SLC9A7: variants seen among roughly 807,000 people sequenced by gnomAD.
SLC9A7 encodes the protein sodium/hydrogen exchanger 7.
Under a neutral mutation model 52.6 loss-of-function variants are expected in SLC9A7, and 19 were observed. That is an observed-to-expected ratio of 0.36 (90% CI 0.25 to 0.53). SLC9A7 has a LOEUF of 0.53. Among genes scored for constraint, SLC9A7 ranks in the 20% least tolerant of loss-of-function variants. The pLI is 0.91. For synonymous variants in SLC9A7, 226 were observed against 252.1 expected (o/e 0.90, Z 0.98); for missense variants, 455 against 597.9 (o/e 0.76, Z 2.49).
intron 1 of SLC9A7, among the ~76,000 whole-genome samples, chrX:46,713,274 T>C (rs1602260622): frequency 9.3e-6 from 1 of 107,427 alleles, no homozygotes; most frequent in South Asian, 4.1e-4. Flanking sequence ...CTGAGGCGGG[T>C]GGATCATCTG....
intron 1 of SLC9A7, among the ~76,000 whole-genome samples, chrX:46,687,106 A>G (rs1205188275): frequency 7.1e-5 from 8 of 112,452 alleles, no homozygotes; most frequent in Non-Finnish European, 1.5e-4. Flanking sequence ...GTCTGGTGCC[A>G]GTTTTCCTTT....
At chrX:46,665,814 T>G (rs891458942) in intron 5 of SLC9A7, among the ~76,000 whole-genome samples, 1 of 109,096 alleles carries the variant, frequency 9.2e-6, no homozygotes, top group Non-Finnish European at 1.9e-5. Flanking sequence ...GCATGTGTTC[T>G]CTGGTGGCTG....
chrX:46,608,842 C>T (rs1458609793), intron 16 of SLC9A7, among the ~76,000 whole-genome samples: 5 of 110,689 alleles, frequency 4.5e-5, no homozygotes, highest in Non-Finnish European at 7.6e-5. Context: ...GATGGAATTT[C>T]ACCACGTTGG....
intron 1 of SLC9A7, among the ~76,000 whole-genome samples, chrX:46,746,230 G>A (rs1921760894): frequency 1.8e-5 from 2 of 110,838 alleles, no homozygotes; most frequent in Non-Finnish European, 3.8e-5. Flanking sequence ...TCGGGAGGCT[G>A]AGGCAGGAGA....
At position 46,600,340 on chromosome X, in the gene SLC9A7, C is replaced by T. The variant is rs1215570725; in HGVS notation, c.*6612G>A. On this transcript the variant is annotated 3_prime_UTR_variant, in exon 17 of 17. Transcript: ENST00000616978. ...ACATATACAGGCCCAGACAATTTTC[C>T]ACTGGCCAAGAGCTGACTGTGACAC... 8.9e-6 allele frequency: 1 copy of T among 111,911 alleles called. No individual in the cohort carries two copies. The highest frequency in any genetic ancestry group is 1.9e-5 in the Non-Finnish European group (1 of 53,189). 9.2% of individuals were successfully genotyped at this position (111,911 alleles called of 1,213,427 possible).
At chrX:46,657,666 C>T (rs773736796) in intron 7 of SLC9A7, among the ~76,000 whole-genome samples, 14 of 110,390 alleles carry the variant, frequency 1.3e-4, no homozygotes, top group Non-Finnish European at 2.5e-4. Flanking sequence ...TCAACAAGAA[C>T]AGCTAACTAT....
chrX:46,653,241 T>C (rs1414206417), intron 8 of SLC9A7, among the ~76,000 whole-genome samples: 1 of 110,323 alleles, frequency 9.1e-6, no homozygotes, highest in African/African-American at 3.3e-5. Context: ...CTACAAAGAA[T>C]AAAGAAGTTA....
chrX:46,716,382 T>G (rs1272211271), intron 1 of SLC9A7, among the ~76,000 whole-genome samples: 1 of 111,917 alleles, frequency 8.9e-6, no homozygotes, highest in Non-Finnish European at 1.9e-5. Flanking sequence ...GAATCCCTAT[T>G]GCCTGCCTTA....
intron 15 of SLC9A7, among the ~76,000 whole-genome samples, chrX:46,616,538 C>A (rs1016345019): frequency 2.7e-5 from 3 of 111,404 alleles, no homozygotes; most frequent in African/African-American, 9.8e-5. Context: ...AAGATCTTTT[C>A]TTTTTGACTT....
At chrX:46,694,079 A>ATTGTGT (rs1944416193) in intron 1 of SLC9A7, among the ~76,000 whole-genome samples, 1 of 110,766 alleles carries the variant, frequency 9.0e-6, no homozygotes, top group African/African-American at 3.3e-5. Flanking sequence ...TTGAAAAACT[A>ATTGTGT]CCTATTGTGT....
chrX:46,612,648 C>T (rs1942871195), intron 16 of SLC9A7, among the ~76,000 whole-genome samples: 1 of 110,900 alleles, frequency 9.0e-6, no homozygotes, highest in African/African-American at 3.3e-5. Flanking sequence ...GAGATGCAGG[C>T]CGGGCATGGT....
At chrX:46,748,415 GGACA>G (rs1329629941) in intron 1 of SLC9A7, among the ~76,000 whole-genome samples, 1 of 98,242 alleles carries the variant, frequency 1.0e-5, no homozygotes, top group East Asian at 3.1e-4. Context: ...AAGGAAGGAA[GGACA>G]GACAGAAGGA....
At chrX:46,678,539 C>T (rs1340532724) in intron 3 of SLC9A7, among the ~76,000 whole-genome samples, 3 of 108,120 alleles carry the variant, frequency 2.8e-5, no homozygotes, top group African/African-American at 1.0e-4. Flanking sequence ...TAGGCTCAAG[C>T]TCCCCACCTC....
chrX:46,659,489 A>C (rs1943771974), intron 7 of SLC9A7, among the ~76,000 whole-genome samples: 1 of 59,573 alleles, frequency 1.7e-5, no homozygotes, highest in Admixed American at 2.2e-4. Flanking sequence ...GTCTCAGCCC[A>C]AAATCTCCTT....
At chrX:46,749,948 G>A (rs180774577) in intron 1 of SLC9A7, among the ~76,000 whole-genome samples, 5 of 110,281 alleles carry the variant, frequency 4.5e-5, no homozygotes, top group Non-Finnish European at 7.6e-5. Flanking sequence ...AGGCGTGGTG[G>A]AGCATGCCTG....
At position 46,605,555 on chromosome X, in the gene SLC9A7, C is replaced by T. The variant is rs967453821; in HGVS notation, c.*1397G>A. On this transcript the variant is annotated 3_prime_UTR_variant, in exon 17 of 17. Transcript: ENST00000616978. ...AGAGCTTTCTAGTGGGCTGAAAATACTTAATGTTCCATTGTTTGCCCTCTG... is the reference window on the plus strand; with the variant it reads ...AGAGCTTTCTAGTGGGCTGAAAATATTTAATGTTCCATTGTTTGCCCTCTG... 2 of 112,067 alleles carry T rather than the reference C, an allele frequency of 1.8e-5. No individual in the cohort carries two copies. The highest frequency in any genetic ancestry group is 3.8e-5 in the Non-Finnish European group (2 of 53,279). 9.2% of individuals were successfully genotyped at this position (112,067 alleles called of 1,213,427 possible). A position where few individuals can be genotyped will look rare whatever the true frequency, so the allele number is the denominator to read the frequency against.
intron 1 of SLC9A7, among the ~76,000 whole-genome samples, chrX:46,740,121 C>T (rs1295847215): frequency 6.3e-5 from 7 of 111,786 alleles, no homozygotes; most frequent in African/African-American, 2.3e-4. Context: ...CAGACACACA[C>T]ACGAAGTCCA....
Position 46,606,190 on chromosome X carries a change from T to TA in SLC9A7, c.*761dup, listed in dbSNP as rs1942740985. 1 of 725,334 alleles carries TA rather than the reference T, an allele frequency of 1.4e-6. No homozygotes were observed. The highest frequency in any genetic ancestry group is 1.6e-6 in the Non-Finnish European group (1 of 614,442). 59.8% of individuals were successfully genotyped at this position (725,334 alleles called of 1,213,427 possible). A position where few individuals can be genotyped will look rare whatever the true frequency, so the allele number is the denominator to read the frequency against. ...AAAAGTTGAATGCTTTTTGCAGTGA[T>TA]ACCATCATCAGTTTCTAAATACCTC... On this transcript the variant is annotated 3_prime_UTR_variant, in exon 17 of 17. Coordinates refer to ENST00000616978, the MANE Select transcript of SLC9A7 (RefSeq NM_001257291.2).
intron 1 of SLC9A7, among the ~76,000 whole-genome samples, chrX:46,695,097 T>A: frequency 8.9e-6 from 1 of 112,536 alleles, no homozygotes; most frequent in Admixed American, 9.4e-5. Context: ...ATTGGGATGA[T>A]TAAGATATTC....
Sources: allele counts gnomAD v4.1 joint callset (sites outside exome capture counted in the v4.1 genomes callset), GRCh38; gene constraint gnomAD v4.1.1; transcripts MANE v1.5; gene names NCBI Gene and HGNC (gene_info 2026-07-23, HGNC 2026-07-21).